Variants in CLIP2 observed in about 807,000 individuals in gnomAD.
CLIP2 encodes CAP-Gly domain containing linker protein 2, also known as CAP-Gly domain-containing linker protein 2.
CLIP2 carries 41 observed loss-of-function variants against 111.7 expected under a neutral mutation model. The ratio of observed to expected loss-of-function variants is 0.37; its 90% CI spans 0.29 to 0.48. The LOEUF is 0.48. Among genes scored for constraint, CLIP2 ranks in the 20% least tolerant of loss-of-function variants. The pLI is 0.99. For synonymous variants in CLIP2, 660 were observed against 644.2 expected (o/e 1.02, Z -0.37); for missense variants, 1,160 against 1,422.1 (o/e 0.82, Z 2.96).
chr7:74,397,660 TTTTTTG>T (rs1791495366), intron 14 of CLIP2, among the ~76,000 whole-genome samples: 1 of 82,222 alleles, frequency 1.2e-5, no homozygotes, highest in Non-Finnish European at 2.4e-5. Context: ...TGGCTGAGTT[TTTTTTG>T]TTTTTTTTTT....
At chr7:74,385,668 C>A (rs1791070335) in intron 11 of CLIP2, among the ~76,000 whole-genome samples, 1 of 151,324 alleles carries the variant, frequency 6.6e-6, no homozygotes. Context: ...TGTTATTGTT[C>A]TCCCTGTTTT....
At chr7:74,377,374 G>T (rs1265745180) in intron 10 of CLIP2, among the ~76,000 whole-genome samples, 3 of 152,204 alleles carry the variant, frequency 2.0e-5, no homozygotes, top group African/African-American at 7.2e-5. Flanking sequence ...AGGCTAGAGG[G>T]GGTGGCCCTA....
intron 1 of CLIP2, among the ~76,000 whole-genome samples, chr7:74,311,379 C>A (rs1788637010): frequency 6.6e-6 from 1 of 152,176 alleles, no homozygotes; most frequent in Non-Finnish European, 1.5e-5. Flanking sequence ...TGTTCTGCAT[C>A]CTCATCAGCA....
At chr7:74,316,809 G>A (rs781804612) in intron 1 of CLIP2, among the ~76,000 whole-genome samples, 7 of 152,070 alleles carry the variant, frequency 4.6e-5, no homozygotes, top group Non-Finnish European at 1.0e-4. Context: ...TGATCCACTC[G>A]CCTCAGCCTC....
chr7:74,356,530 G>A lies in CLIP2; in HGVS notation c.924G>A (p.Val308=). The A allele has an allele frequency of 1.2e-6, 2 of 1,614,226 alleles. No individual in the cohort carries two copies. Among genetic ancestry groups the A allele is most frequent in the Non-Finnish European group, 1.7e-6 (2 of 1,180,048 alleles). ...AGACCAAGCGTATGGCCATGGGTGT[G>A]TCAGCACTGACCCACAGTCCCAGCA... is the stretch of plus-strand genomic sequence containing the variant. ...AKKTKRMAMG[V]SALTHSPSSS... Residue 308 remains valine, a synonymous_variant, in exon 5 of 17, where the codon GTG becomes GTA. Transcript: ENST00000223398.
chr7:74,397,522 C>G (rs934309689), intron 14 of CLIP2, among the ~76,000 whole-genome samples: 2 of 152,068 alleles, frequency 1.3e-5, no homozygotes, highest in African/African-American at 4.8e-5. Context: ...AGGTAAAGAG[C>G]TCCCTGTTCA....
In CLIP2 at chr7:74,376,788, C is replaced by T. The variant is rs375734981; in HGVS notation, c.2387C>T (p.Ala796Val). The change falls in exon 10 of 17, where the codon GCG (alanine) becomes GTG (valine). Residue 796 changes from alanine to valine, a missense_variant. Transcript: ENST00000223398. This position sits in a 1 kb window ranked among gnomAD's most constrained non-coding sequence, Gnocchi z 7.1. ...KLLVAENRLQ[A>V]VEALCSSQHT... ...CTGGTGGCTGAGAACAGACTCCAGG[C>T]GGTCGAGGCCCTGTGCTCCTCCCAG... 26 of 1,606,970 alleles carry T rather than the reference C, an allele frequency of 1.6e-5. No homozygotes were observed. The highest frequency in any genetic ancestry group is 1.3e-4 in the South Asian group (12 of 89,702).
Position 74,376,585 on chromosome 7 carries a change from C to G in CLIP2, c.2184C>G (p.Ala728=). ...LQEAQDQRRD[A]ELRVHELEKL... Reference sequence around the variant, plus strand: ...AGGCCCAGGACCAGCGCCGGGATGCCGAGCTGCGTGTGCACGAGCTGGAAA... The same window carrying G: ...AGGCCCAGGACCAGCGCCGGGATGCGGAGCTGCGTGTGCACGAGCTGGAAA... Residue 728 remains alanine (A), a synonymous_variant, in exon 10 of 17, where the codon GCC becomes GCG. Coordinates refer to ENST00000223398, the MANE Select transcript of CLIP2 (RefSeq NM_003388.5). This position sits in a 1 kb window ranked among gnomAD's most constrained non-coding sequence, Gnocchi z 7.1. 1 of 1,611,438 alleles carries G rather than the reference C, an allele frequency of 6.2e-7. No individual in the cohort carries two copies. Among genetic ancestry groups the G allele is most frequent in the Non-Finnish European group, 8.5e-7 (1 of 1,179,212 alleles).
At position 74,405,670 on chromosome 7, in the gene CLIP2, A is replaced by G. The variant is rs1791755469; in HGVS notation, c.*1822A>G. On this transcript the variant is annotated 3_prime_UTR_variant, in exon 17 of 17. Coordinates refer to ENST00000223398, the MANE Select transcript of CLIP2 (RefSeq NM_003388.5). ...CATCGGTAGGGGCACCGATTAGTCT[A>G]CTAACAGCCAGAGGTCCATCTAGCA... 6.6e-6 allele frequency: 1 copy of G among 152,626 alleles called. No individual in the cohort carries two copies. The allele number at this position is 152,626 out of a possible 1,614,324, so 9.5% of individuals were successfully genotyped here.
At chr7:74,397,850 G>A (rs1791502496) in intron 14 of CLIP2, among the ~76,000 whole-genome samples, 1 of 151,334 alleles carries the variant, frequency 6.6e-6, no homozygotes, top group African/African-American at 2.4e-5. Context: ...TGTATTTTTA[G>A]TAGAGACAGG....
chr7:74,306,184 G>A (rs772837048), intron 1 of CLIP2, among the ~76,000 whole-genome samples: 41 of 152,114 alleles, frequency 2.7e-4, no homozygotes, highest in African/African-American at 5.8e-4. Context: ...TTGCTCCTCC[G>A]AGAGGTGCTG....
chr7:74,309,103 C>T (rs1293365891), intron 1 of CLIP2, among the ~76,000 whole-genome samples: 1 of 151,934 alleles, frequency 6.6e-6, no homozygotes, highest in South Asian at 2.1e-4. Context: ...TCCTGAGCTC[C>T]AGCAATTCAC....
intron 1 of CLIP2, among the ~76,000 whole-genome samples, chr7:74,291,147 G>A (rs1346668622): frequency 2.6e-5 from 4 of 152,176 alleles, no homozygotes; most frequent in Admixed American, 6.6e-5. Context: ...GCAGTGCCTT[G>A]CGGGGGAATG....
intron 6 of CLIP2, among the ~76,000 whole-genome samples, chr7:74,358,542 T>C (rs1253633699): frequency 6.6e-6 from 1 of 151,262 alleles, no homozygotes; most frequent in Non-Finnish European, 1.5e-5. Flanking sequence ...AAGCATTTTC[T>C]AGGTCCTGGC....
intron 3 of CLIP2, among the ~76,000 whole-genome samples, chr7:74,348,705 G>T (rs1023705252): frequency 6.6e-6 from 1 of 150,398 alleles, no homozygotes; most frequent in Non-Finnish European, 1.5e-5. Flanking sequence ...CAGGAGAATG[G>T]CATGAACCCA....
chr7:74,351,784 G>A (rs113167862), intron 3 of CLIP2, among the ~76,000 whole-genome samples: 113 of 152,208 alleles, frequency 7.4e-4, no homozygotes, highest in African/African-American at 2.3e-3. Flanking sequence ...TTCAGTGAGC[G>A]GAGATCGCGT....
intron 2 of CLIP2, among the ~76,000 whole-genome samples, chr7:74,322,959 G>A (rs1789003627): frequency 6.6e-6 from 1 of 152,000 alleles, no homozygotes; most frequent in Non-Finnish European, 1.5e-5. Context: ...TTGATCTTCT[G>A]ACCTTGTGAT....
At chr7:74,367,389 A>C (rs1272698133) in intron 8 of CLIP2, among the ~76,000 whole-genome samples, 1 of 152,054 alleles carries the variant, frequency 6.6e-6, no homozygotes, top group Non-Finnish European at 1.5e-5. Flanking sequence ...ACGAGGTTTC[A>C]CCGTGTTAGC....
chr7:74,324,753 C>A (rs1006514610), intron 2 of CLIP2, among the ~76,000 whole-genome samples: 4 of 144,136 alleles, frequency 2.8e-5, no homozygotes, highest in Non-Finnish European at 6.0e-5. Flanking sequence ...TTGGCTGAGA[C>A]AGCCAAACTC....
Sources: gnomAD v4.1 joint callset for allele counts (sites outside exome capture counted in the v4.1 genomes callset) on GRCh38, gnomAD v4.1.1 for gene constraint, Gnocchi (gnomAD v3.1) non-coding constraint, MANE v1.5 for transcripts, NCBI Gene and HGNC (gene_info 2026-07-23, HGNC 2026-07-21) for gene names.